BIN2: variants seen among roughly 807,000 people sequenced by gnomAD.
BIN2 encodes bridging integrator 2, also known as breast cancer associated protein BRAP1.
A neutral mutation model predicts 67.9 loss-of-function variants in BIN2; 43 were observed. That is an observed-to-expected ratio of 0.63 (90% CI 0.50 to 0.82). BIN2 has a LOEUF of 0.82. BIN2 is among the 40% of genes least tolerant of loss of function. The pLI is 0.00. For missense variants in BIN2, 581 were observed against 671.6 expected (o/e 0.87, Z 1.49); for synonymous variants, 244 against 246.8 (o/e 0.99, Z 0.11).
intron 2 of BIN2, among the ~76,000 whole-genome samples, chr12:51,310,400 G>T (rs1470734799): frequency 6.6e-6 from 1 of 152,206 alleles, no homozygotes; most frequent in Non-Finnish European, 1.5e-5. Context: ...TCAGTGAGTT[G>T]CTGATTTAAA....
intron 2 of BIN2, among the ~76,000 whole-genome samples, chr12:51,304,797 A>G (rs1555171367): frequency 6.7e-6 from 1 of 148,504 alleles, no homozygotes; most frequent in Non-Finnish European, 1.5e-5. Context: ...CGGGCGGATC[A>G]CGAGGTCAGG....
At chr12:51,324,441 G>A (rs1315679368), upstream of BIN2, 6 of 1,477,556 alleles carry the variant, frequency 4.1e-6, no homozygotes, top group East Asian at 2.5e-5. Context: ...TTCCCATCAC[G>A]CTGAGCACTG....
chr12:51,301,976 G>A (rs1945734031), intron 5 of BIN2, 44 bp downstream of exon 5: 2 of 1,342,154 alleles, frequency 1.5e-6, no homozygotes, highest in Non-Finnish European at 2.1e-6. Flanking sequence ...CTCTAACCTG[G>A]ATGGGTCATC....
At chr12:51,320,020 C>T (rs998450168) in intron 1 of BIN2, among the ~76,000 whole-genome samples, 2 of 151,768 alleles carry the variant, frequency 1.3e-5, no homozygotes. Context: ...GAGTCTAGCT[C>T]TATTGCCCAG....
At chr12:51,297,583 A>G (rs1676744542) in intron 7 of BIN2, among the ~76,000 whole-genome samples, 1 of 152,038 alleles carries the variant, frequency 6.6e-6, no homozygotes, top group Non-Finnish European at 1.5e-5. Context: ...TAAAAAAAGA[A>G]AGCCATCCCA....
chr12:51,283,293 A>G (rs1592244934), intron 12 of BIN2, among the ~76,000 whole-genome samples: 1 of 151,100 alleles, frequency 6.6e-6, no homozygotes, highest in Non-Finnish European at 1.5e-5. Context: ...AGTTCTGCTT[A>G]TTTAAAAAAA....
intron 1 of BIN2, among the ~76,000 whole-genome samples, chr12:51,316,738 A>C (rs1246171300): frequency 6.6e-6 from 1 of 152,102 alleles, no homozygotes; most frequent in African/African-American, 2.4e-5. Flanking sequence ...TACAAAACCC[A>C]GTTCAACTCC....
intron 8 of BIN2, among the ~76,000 whole-genome samples, chr12:51,296,107 C>T (rs1290056961): frequency 1.3e-5 from 2 of 152,146 alleles, no homozygotes; most frequent in Non-Finnish European, 2.9e-5. Context: ...AGACTGGCAG[C>T]TGTCTCAAGG....
chr12:51,316,558 T>G (rs1200237308), intron 1 of BIN2, among the ~76,000 whole-genome samples: 1 of 152,138 alleles, frequency 6.6e-6, no homozygotes, highest in Non-Finnish European at 1.5e-5. Flanking sequence ...CTAGCATGCA[T>G]GCAGGTCCCA....
At chr12:51,295,562 C>G (rs1423777564) in intron 9 of BIN2, among the ~76,000 whole-genome samples, 2 of 11,888 alleles carry the variant, frequency 1.7e-4, no homozygotes, top group African/African-American at 7.1e-4. Context: ...GACTCCGTCT[C>G]AAAAAAAAAA....
intron 10 of BIN2, 138 bp from the exon 11 acceptor site, chr12:51,288,326 G>A (rs998223156): frequency 6.3e-6 from 4 of 634,850 alleles, no homozygotes; most frequent in Non-Finnish European, 1.1e-5. Context: ...ACAGGCAGTA[G>A]TAGGGTGGTG....
In BIN2 at chr12:51,297,146, C is replaced by A. The variant is rs755468243; in HGVS notation, c.621G>T (p.Val207=). 1 of 1,613,956 alleles carries A rather than the reference C, an allele frequency of 6.2e-7. No individual in the cohort carries two copies. The highest frequency in any genetic ancestry group is 1.1e-5 in the South Asian group (1 of 91,056). Residue 207 remains valine, a synonymous_variant, in exon 8 of 13, where the codon GTG becomes GTT. Coordinates refer to ENST00000615107, the MANE Select transcript of BIN2 (RefSeq NM_016293.4). ...AGTTGGAAATGTTTTGGAAGATGGT[C>A]ACATAGCAGCCAATACGACTATTAG... ...ILYNSRIGCY[V]TIFQNISNLR...
intron 2 of BIN2, among the ~76,000 whole-genome samples, chr12:51,305,154 T>C (rs920272071): frequency 1.3e-5 from 2 of 150,090 alleles, no homozygotes; most frequent in Non-Finnish European, 1.5e-5. Flanking sequence ...CTGACCAACA[T>C]GGTGAAACCC....
Position 51,316,328 on chromosome 12 carries a change from C to CAAAA in BIN2, c.82-2429_82-2426dup, listed in dbSNP as rs3059178. The stretch of plus-strand genomic sequence containing the variant: ...TAAAACCCCGTCTCTACTAAAAATA[C>CAAAA]AAAAAAAAAAAAAAAAAATTAGCCG... On this transcript the variant is annotated intron_variant, in intron 1 of 12. Coordinates refer to ENST00000615107, the MANE Select transcript of BIN2 (RefSeq NM_016293.4). Among the ~76,000 whole-genome samples the CAAAA allele has an allele frequency of 2.5e-3, 311 of 123,270 alleles. 1 individual carries two copies. Among genetic ancestry groups the CAAAA allele is most frequent in the Admixed American group, 6.6e-3 (81 of 12,306 alleles). 80.9% of individuals were successfully genotyped at this position (123,270 alleles called of 152,430 possible).
intron 1 of BIN2, among the ~76,000 whole-genome samples, chr12:51,315,648 T>A (rs1565689439): frequency 2.0e-5 from 3 of 152,166 alleles, no homozygotes; most frequent in African/African-American, 7.2e-5. Flanking sequence ...TCTAGATAGA[T>A]GAGGTTAGAG....
chr12:51,295,575 A>G lies in BIN2; in HGVS notation c.761+221T>C, dbSNP rs1290258167. The stretch of plus-strand genomic sequence containing the variant: ...GAGACTCCGTCTCAAAAAAAAAAAA[A>G]AAATATATATATATATATATATATA... On this transcript the variant is annotated intron_variant, in intron 9 of 12. Coordinates refer to ENST00000615107, the MANE Select transcript of BIN2 (RefSeq NM_016293.4). 1.1e-4 allele frequency among the ~76,000 whole-genome samples: 2 copies of G among 18,276 alleles called. 1 individual carries two copies. Among genetic ancestry groups the G allele is most frequent in the East Asian group, 8.7e-3 (2 of 230 alleles). 12.0% of individuals were successfully genotyped at this position (18,276 alleles called of 152,430 possible).
intron 11 of BIN2, 74 bp downstream of exon 11, chr12:51,288,034 T>C: frequency 3.6e-6 from 4 of 1,109,556 alleles, no homozygotes; most frequent in Non-Finnish European, 5.4e-6. Flanking sequence ...GATATACTTC[T>C]GGAAAAAGAA....
At chr12:51,283,924 C>G (rs778119177) in intron 12 of BIN2, among the ~76,000 whole-genome samples, 17 of 148,492 alleles carry the variant, frequency 1.1e-4, no homozygotes, top group Non-Finnish European at 2.2e-4. Flanking sequence ...AACCCAGAGG[C>G]CAAGGCTGCG....
chr12:51,292,439 A>C, intron 9 of BIN2, 95 bp from the exon 10 acceptor site: 2 of 1,309,450 alleles, frequency 1.5e-6, no homozygotes, highest in Non-Finnish European at 2.0e-6. Context: ...AAAAAGAATA[A>C]AGCAATTTAA....
Sources: allele counts gnomAD v4.1 joint callset (sites outside exome capture counted in the v4.1 genomes callset), GRCh38; gene constraint gnomAD v4.1.1; transcripts MANE v1.5; gene names NCBI Gene and HGNC (gene_info 2026-07-23, HGNC 2026-07-21).